PLD5: variants seen among roughly 807,000 people sequenced by gnomAD.
PLD5 encodes phospholipase D family member 5.
A neutral mutation model predicts 61.1 loss-of-function variants in PLD5; 36 were observed. The observed-to-expected ratio is 0.59, with a 90% CI of 0.45 to 0.78. The LOEUF is 0.78. Among genes scored for constraint, PLD5 ranks in the 30% least tolerant of loss-of-function variants. PLD5 has a pLI of 0.00. For synonymous variants in PLD5, 243 were observed against 242.8 expected, an observed-to-expected ratio of 1.00 and a Z score of -0.01; for missense variants, 515 against 644.4, an observed-to-expected ratio of 0.80 and a Z score of 2.17.
At chr1:242,133,961 G>A (rs1020019) in intron 5 of PLD5, among the ~76,000 whole-genome samples, 100,846 of 152,080 alleles carry the variant, frequency 0.66, 33,839 homozygotes, top group African/African-American at 0.75. Flanking sequence ...AAATGCCATC[G>A]TGGCTCCTCC....
chr1:242,500,351 C>T (rs1028368411), intron 1 of PLD5, among the ~76,000 whole-genome samples: 2 of 152,180 alleles, frequency 1.3e-5, no homozygotes, highest in Non-Finnish European at 2.9e-5. Flanking sequence ...TTTGGTTAAA[C>T]CGCTTAAACA....
intron 5 of PLD5, among the ~76,000 whole-genome samples, chr1:242,152,692 T>C (rs1456269554): frequency 6.6e-6 from 1 of 152,152 alleles, no homozygotes; most frequent in East Asian, 1.9e-4. Flanking sequence ...AACTCATCCT[T>C]TTTTTGTGGC....
intron 1 of PLD5, among the ~76,000 whole-genome samples, chr1:242,478,155 G>C (rs957927550): frequency 2.0e-5 from 3 of 152,210 alleles, no homozygotes; most frequent in Non-Finnish European, 4.4e-5. Context: ...GAACATGACA[G>C]GAAATAGTGG....
intron 5 of PLD5, among the ~76,000 whole-genome samples, chr1:242,155,827 T>C (rs1003587974): frequency 2.3e-4 from 35 of 152,164 alleles, no homozygotes; most frequent in Admixed American, 1.3e-3. Context: ...GTATATTCTG[T>C]TGATTTGGGT....
At chr1:242,460,817 T>C (rs777454395) in intron 1 of PLD5, among the ~76,000 whole-genome samples, 9 of 149,824 alleles carry the variant, frequency 6.0e-5, no homozygotes, top group Admixed American at 3.4e-4. Context: ...CCATGAATTA[T>C]ACTCATTTAA....
At chr1:242,195,112 G>A (rs1157159724) in intron 5 of PLD5, among the ~76,000 whole-genome samples, 2 of 152,196 alleles carry the variant, frequency 1.3e-5, no homozygotes, top group South Asian at 2.1e-4. Context: ...AAGGGTTGGA[G>A]GCAGATTTGG....
intron 9 of PLD5, among the ~76,000 whole-genome samples, chr1:242,093,804 C>T (rs1043810801): frequency 3.3e-5 from 5 of 150,538 alleles, no homozygotes; most frequent in South Asian, 2.1e-4. Flanking sequence ...AAATATGCTT[C>T]GGGGGCAGCC....
At chr1:242,332,407 A>T (rs547246390) in intron 2 of PLD5, among the ~76,000 whole-genome samples, 1 of 152,192 alleles carries the variant, frequency 6.6e-6, no homozygotes, top group African/African-American at 2.4e-5. Flanking sequence ...CCAGTAATGG[A>T]ATTGCTGGGT....
At chr1:242,262,379 T>G (rs1346876130) in intron 4 of PLD5, among the ~76,000 whole-genome samples, 1 of 152,234 alleles carries the variant, frequency 6.6e-6, no homozygotes, top group Non-Finnish European at 1.5e-5. Context: ...GACGGTTTTA[T>G]GTGGATGTGT....
At chr1:242,113,084 C>CTCTT (rs1553301349) in intron 7 of PLD5, among the ~76,000 whole-genome samples, 22 of 110,692 alleles carry the variant, frequency 2.0e-4, no homozygotes, top group Non-Finnish European at 3.2e-4. Flanking sequence ...CTCTCTCTCT[C>CTCTT]TTTTTTTTTT....
At chr1:242,512,394 C>T (rs1223064275) in intron 1 of PLD5, among the ~76,000 whole-genome samples, 16 of 137,862 alleles carry the variant, frequency 1.2e-4, no homozygotes, top group East Asian at 4.2e-4. Context: ...CACTCCAGCC[C>T]GGGTGACAGA....
In PLD5 at chr1:242,394,544, A is replaced by G. The variant is rs1206957478; in HGVS notation, c.190-46302T>C. 1.2e-4 allele frequency among the ~76,000 whole-genome samples: 2 copies of G among 16,360 alleles called. 1 individual carries two copies. Among genetic ancestry groups the G allele is most frequent in the African/African-American group, 7.5e-4 (2 of 2,654 alleles). 10.7% of individuals were successfully genotyped at this position (16,360 alleles called of 152,430 possible). ...TATATGTGTATATATGTGAACATAT[A>G]TATGTGTATATATGTGAACATATAT... On this transcript the variant is annotated intron_variant, in intron 1 of 9. Transcript: ENST00000536534.
chr1:242,403,214 T>C (rs1232752686), intron 1 of PLD5, among the ~76,000 whole-genome samples: 4 of 152,206 alleles, frequency 2.6e-5, no homozygotes. Flanking sequence ...CAGCACACTC[T>C]AGGGCTGTCT....
chr1:242,307,362 G>A (rs74683990), intron 2 of PLD5, among the ~76,000 whole-genome samples: 104,172 of 148,870 alleles, frequency 0.7, 36,984 homozygotes, highest in Admixed American at 0.77. Flanking sequence ...GATGATGATG[G>A]TGATGATGAT....
chr1:242,376,946 T>G (rs1056439954), intron 1 of PLD5: 1 of 1,608,714 alleles, frequency 6.2e-7, no homozygotes, highest in Admixed American at 1.7e-5. Flanking sequence ...AGCTCATCCT[T>G]TTGGATTTGA....
At position 242,342,193 on chromosome 1, in the gene PLD5, T is replaced by G. The variant is rs573206935; in HGVS notation, c.326+5913A>C. Among the ~76,000 whole-genome samples, 23 of 152,318 alleles carry G rather than the reference T, an allele frequency of 1.5e-4. No individual in the cohort carries two copies. The East Asian group carries it at 4.4e-3, about 29-fold the overall frequency. On this transcript the variant is annotated intron_variant, in intron 2 of 9. Coordinates refer to ENST00000536534, the MANE Select transcript of PLD5 (RefSeq NM_001372062.1). ...TCTGTGTGTATTTATCAGGGAGGAATAGCAACAAAAGTCCCTCTTCTAGTG... is the reference window on the plus strand; with the variant it reads ...TCTGTGTGTATTTATCAGGGAGGAAGAGCAACAAAAGTCCCTCTTCTAGTG...
intron 1 of PLD5, among the ~76,000 whole-genome samples, chr1:242,353,187 G>A (rs2796105): frequency 3.9e-5 from 6 of 152,114 alleles, no homozygotes; most frequent in Non-Finnish European, 8.8e-5. Context: ...AACCCATTTT[G>A]AGTTGATTTT....
intron 5 of PLD5, among the ~76,000 whole-genome samples, chr1:242,132,073 T>C (rs1663304551): frequency 2.0e-5 from 3 of 151,600 alleles, no homozygotes; most frequent in South Asian, 4.2e-4. Context: ...TCAGGTGATC[T>C]GCCCACCTCA....
At chr1:242,376,791 G>A in intron 1 of PLD5, 2 of 919,332 alleles carry the variant, frequency 2.2e-6, no homozygotes, top group South Asian at 1.8e-5. Context: ...AGGAAGGTAC[G>A]TTGAAAGAGA....
Sources: gnomAD v4.1 joint callset for allele counts (sites outside exome capture counted in the v4.1 genomes callset) on GRCh38, gnomAD v4.1.1 for gene constraint, MANE v1.5 for transcripts, NCBI Gene and HGNC (gene_info 2026-07-23, HGNC 2026-07-21) for gene names.